The following NTRK3 variants were observed in gnomAD, a reference collection of about 807,000 sequenced individuals.
NTRK3 encodes NT-3 growth factor receptor.
In NTRK3, 24 loss-of-function variants were observed where a neutral mutation model predicts 91.7. That is an observed-to-expected ratio of 0.26 (90% CI 0.19 to 0.37). The LOEUF is 0.37. NTRK3 is among the 10% of genes least tolerant of loss of function. NTRK3 has a pLI of 1.00. For missense variants in NTRK3, 880 were observed against 1,068.9 expected (o/e 0.82, Z 2.46); for synonymous variants, 483 against 404.0 (o/e 1.20, Z -2.34).
At chr15:88,160,792 A>G (rs1180224170) in intron 5 of NTRK3, among the ~76,000 whole-genome samples, 2 of 152,278 alleles carry the variant, frequency 1.3e-5, no homozygotes, top group Middle Eastern at 3.4e-3. Flanking sequence ...TCCTTAGCAC[A>G]CTACTCTGGA....
intron 3 of NTRK3, among the ~76,000 whole-genome samples, chr15:88,242,246 C>T (rs2052429831): frequency 6.6e-6 from 1 of 152,160 alleles, no homozygotes; most frequent in African/African-American, 2.4e-5. Flanking sequence ...ATGAAACTCG[C>T]TTCTCTTGCC....
At chr15:88,185,931 T>G (rs1039389945) in intron 3 of NTRK3, among the ~76,000 whole-genome samples, 2 of 152,236 alleles carry the variant, frequency 1.3e-5, no homozygotes, top group African/African-American at 2.4e-5. Flanking sequence ...CACTGGCATC[T>G]GCTGGGGACA....
chr15:87,897,112 T>C (rs2066173587), intron 17 of NTRK3, among the ~76,000 whole-genome samples: 1 of 152,132 alleles, frequency 6.6e-6, no homozygotes, highest in Non-Finnish European at 1.5e-5. Flanking sequence ...GAAAAACCCT[T>C]GGAGTCTTCC....
intron 14 of NTRK3, among the ~76,000 whole-genome samples, chr15:87,957,866 G>A (rs2071836070): frequency 1.3e-5 from 2 of 152,298 alleles, no homozygotes; most frequent in South Asian, 2.1e-4. Flanking sequence ...AAATTCAAAA[G>A]TAGGCTCAAC....
intron 17 of NTRK3, among the ~76,000 whole-genome samples, chr15:87,913,281 T>C (rs1052329941): frequency 9.2e-5 from 14 of 152,102 alleles, no homozygotes; most frequent in African/African-American, 1.2e-4. Flanking sequence ...CCCCTTTCTC[T>C]GAATATGATC....
At chr15:88,225,099 G>C (rs754662727) in intron 3 of NTRK3, among the ~76,000 whole-genome samples, 3 of 152,222 alleles carry the variant, frequency 2.0e-5, no homozygotes, top group African/African-American at 4.8e-5. Context: ...GTTTCTCACA[G>C]CGTGGTGGGT....
At chr15:88,033,110 CACAG>C (rs2078702163) in intron 13 of NTRK3, 65 bp from the exon 14 acceptor site, 5 of 1,479,316 alleles carry the variant, frequency 3.4e-6, no homozygotes, top group Non-Finnish European at 2.7e-6. Flanking sequence ...CAGCCCTGTC[CACAG>C]ACAACCCCCA....
intron 3 of NTRK3, among the ~76,000 whole-genome samples, chr15:88,250,584 A>C (rs966940825): frequency 7.2e-5 from 11 of 152,076 alleles, no homozygotes; most frequent in Non-Finnish European, 1.6e-4. Context: ...TCCGGAACTG[A>C]GATCCTCCAC....
chr15:88,104,374 GAAC>G (rs1195467421), intron 13 of NTRK3, among the ~76,000 whole-genome samples: 2 of 152,154 alleles, frequency 1.3e-5, no homozygotes, highest in Non-Finnish European at 2.9e-5. Context: ...CATTTCCTTA[GAAC>G]AACGTTTATC....
intron 3 of NTRK3, among the ~76,000 whole-genome samples, chr15:88,226,448 G>A (rs2050684544): frequency 6.6e-6 from 1 of 152,232 alleles, no homozygotes; most frequent in African/African-American, 2.4e-5. Context: ...GCACTGAAGG[G>A]CAGTGAGATG....
At chr15:88,248,738 G>A (rs1032881647) in intron 3 of NTRK3, among the ~76,000 whole-genome samples, 1 of 152,200 alleles carries the variant, frequency 6.6e-6, no homozygotes, top group African/African-American at 2.4e-5. Flanking sequence ...TATTGGGGTT[G>A]ATGTGAGGCT....
intron 3 of NTRK3, among the ~76,000 whole-genome samples, chr15:88,224,350 C>T (rs951782789): frequency 3.3e-5 from 5 of 152,160 alleles, no homozygotes; most frequent in African/African-American, 1.2e-4. Context: ...CGTGAGAACG[C>T]TATTTCCCAG....
chr15:88,213,452 G>A (rs1377347462), intron 3 of NTRK3, among the ~76,000 whole-genome samples: 1 of 152,212 alleles, frequency 6.6e-6, no homozygotes, highest in Non-Finnish European at 1.5e-5. Flanking sequence ...ATGCTGTGAG[G>A]GTGTGCCCAC....
intron 15 of NTRK3, among the ~76,000 whole-genome samples, chr15:87,933,826 G>A (rs1281991955): frequency 1.3e-5 from 2 of 152,174 alleles, no homozygotes; most frequent in African/African-American, 4.8e-5. Context: ...GGGAATGGCA[G>A]TTAGTGGACA....
chr15:88,088,515 T>C (rs1232628076), intron 13 of NTRK3, among the ~76,000 whole-genome samples: 1 of 152,182 alleles, frequency 6.6e-6, no homozygotes, highest in Non-Finnish European at 1.5e-5. Flanking sequence ...ATAATAGTAG[T>C]AATTGTAATA....
chr15:88,058,689 C>A (rs1392281332), intron 13 of NTRK3, among the ~76,000 whole-genome samples: 19 of 152,156 alleles, frequency 1.2e-4, no homozygotes, highest in Admixed American at 1.2e-3. Flanking sequence ...ATATCCATCC[C>A]CATCTGTTGC....
At chr15:88,185,785 G>A (rs963753427) in intron 3 of NTRK3, among the ~76,000 whole-genome samples, 2 of 152,120 alleles carry the variant, frequency 1.3e-5, no homozygotes, top group Non-Finnish European at 2.9e-5. Context: ...CCACCAACTC[G>A]AGTCAGAGCC....
intron 14 of NTRK3, among the ~76,000 whole-genome samples, chr15:87,960,060 G>C (rs1356545283): frequency 6.6e-6 from 1 of 152,170 alleles, no homozygotes; most frequent in African/African-American, 2.4e-5. Flanking sequence ...GAGCAGTTGA[G>C]TTCAGCCAAA....
intron 3 of NTRK3, among the ~76,000 whole-genome samples, chr15:88,222,467 A>G (rs2050314661): frequency 6.6e-6 from 1 of 152,166 alleles, no homozygotes. Flanking sequence ...ATAATACAAC[A>G]ATCATATTTT....
Sources: gnomAD v4.1 joint callset for allele counts (sites outside exome capture counted in the v4.1 genomes callset) on GRCh38, gnomAD v4.1.1 for gene constraint, MANE v1.5 for transcripts, NCBI Gene and HGNC (gene_info 2026-07-23, HGNC 2026-07-21) for gene names.